Variants in MACROD2 observed in about 807,000 individuals in gnomAD.
The protein encoded by MACROD2 is mono-ADP ribosylhydrolase 2.
A neutral mutation model predicts 70.4 loss-of-function variants in MACROD2; 36 were observed. The ratio of observed to expected loss-of-function variants is 0.51; its 90% CI spans 0.39 to 0.68. The LOEUF (loss-of-function observed/expected upper bound fraction) is 0.68. MACROD2 is among the 30% of genes least tolerant of loss of function. The probability of loss-of-function intolerance (pLI) is 0.00; values close to 1 mark genes in which losing one functional copy is unlikely to be tolerated. For synonymous variants in MACROD2, 172 were observed against 178.8 expected (o/e 0.96, Z 0.30); for missense variants, 496 against 538.4 (o/e 0.92, Z 0.78).
At chr20:14,350,436 G>T (rs1054148871) in intron 3 of MACROD2, among the ~76,000 whole-genome samples, 28 of 151,842 alleles carry the variant, frequency 1.8e-4, no homozygotes, top group African/African-American at 6.8e-4. Context: ...TAACAAATGG[G>T]GTGAGTTGAT....
chr20:14,247,217 G>C (rs1219567844), intron 3 of MACROD2, among the ~76,000 whole-genome samples: 1 of 152,134 alleles, frequency 6.6e-6, no homozygotes, highest in African/African-American at 2.4e-5. Context: ...TATACACAAG[G>C]TGTGACATCA....
At chr20:14,722,615 G>T (rs1406325215) in intron 5 of MACROD2, among the ~76,000 whole-genome samples, 2 of 152,050 alleles carry the variant, frequency 1.3e-5, no homozygotes, top group Non-Finnish European at 2.9e-5. Flanking sequence ...ATCATTATTT[G>T]CTTTTTTATT....
intron 4 of MACROD2, among the ~76,000 whole-genome samples, chr20:14,544,268 A>G (rs933882999): frequency 1.3e-5 from 2 of 150,746 alleles, no homozygotes; most frequent in African/African-American, 4.9e-5. Flanking sequence ...AGGGCTCAGC[A>G]TGTGAATTTT....
At chr20:14,746,864 T>G (rs1272047545) in intron 5 of MACROD2, among the ~76,000 whole-genome samples, 1 of 152,170 alleles carries the variant, frequency 6.6e-6, no homozygotes. Flanking sequence ...TTGGGTTAAT[T>G]CAATTGAATT....
At position 15,322,320 on chromosome 20, in the gene MACROD2, G is replaced by T. The variant is rs1482990981; in HGVS notation, c.540+92259G>T. ...CTTGAGTATATTGTAGAGAATGCCT[G>T]GGTGGGACGGGGATATTTACCATGC... On this transcript the variant is annotated intron_variant, in intron 6 of 17. Coordinates refer to ENST00000684519, the MANE Select transcript of MACROD2 (RefSeq NM_001351661.2). Among the ~76,000 whole-genome samples, 2 of 143,614 alleles carry T rather than the reference G, an allele frequency of 1.4e-5. 1 individual carries two copies. The highest frequency in any genetic ancestry group is 3.1e-5 in the Non-Finnish European group (2 of 63,620). The allele number at this position is 143,614 out of a possible 152,430, so 94.2% of individuals were successfully genotyped here. A position where few individuals can be genotyped will look rare whatever the true frequency, so the allele number is the denominator to read the frequency against.
intron 3 of MACROD2, among the ~76,000 whole-genome samples, chr20:14,170,160 G>A (rs1431744642): frequency 2.0e-5 from 3 of 152,146 alleles, no homozygotes; most frequent in Non-Finnish European, 2.9e-5. Context: ...CCAAAGTGCC[G>A]GGATTGCAGG....
At chr20:14,107,956 T>C (rs576988824) in intron 3 of MACROD2, among the ~76,000 whole-genome samples, 2 of 152,232 alleles carry the variant, frequency 1.3e-5, no homozygotes, top group African/African-American at 4.8e-5. Context: ...TCACTGGTAA[T>C]AGCGCACAGA....
At chr20:15,353,283 C>A (rs555913115) in intron 6 of MACROD2, among the ~76,000 whole-genome samples, 3 of 152,008 alleles carry the variant, frequency 2.0e-5, no homozygotes, top group Admixed American at 6.6e-5. Flanking sequence ...ATGGTGCTGG[C>A]AAAACTGGCT....
intron 6 of MACROD2, among the ~76,000 whole-genome samples, chr20:15,261,582 G>A (rs954081435): frequency 3.3e-5 from 5 of 151,696 alleles, no homozygotes; most frequent in African/African-American, 1.2e-4. Context: ...TTCTTTTTAG[G>A]TCATTTAAAC....
At chr20:15,143,248 T>C (rs2076205729) in intron 5 of MACROD2, among the ~76,000 whole-genome samples, 1 of 152,220 alleles carries the variant, frequency 6.6e-6, no homozygotes, top group Non-Finnish European at 1.5e-5. Flanking sequence ...TGATTTATAT[T>C]TCTCTGATGG....
intron 3 of MACROD2, among the ~76,000 whole-genome samples, chr20:14,207,360 A>G (rs868155609): frequency 6.6e-6 from 1 of 152,144 alleles, no homozygotes; most frequent in Non-Finnish European, 1.5e-5. Context: ...TTGGCCTCCC[A>G]AAGTGCTGGG....
At chr20:14,753,231 G>A (rs1323455192) in intron 5 of MACROD2, among the ~76,000 whole-genome samples, 3 of 152,042 alleles carry the variant, frequency 2.0e-5, no homozygotes, top group Non-Finnish European at 4.4e-5. Context: ...CTTCTTTGCA[G>A]TGCTGATTGC....
intron 5 of MACROD2, among the ~76,000 whole-genome samples, chr20:14,705,901 CTT>C (rs2071263627): frequency 6.6e-6 from 1 of 151,788 alleles, no homozygotes; most frequent in Admixed American, 6.6e-5. Context: ...TCCTCTCTCT[CTT>C]TTTCTTCTCT....
intron 5 of MACROD2, among the ~76,000 whole-genome samples, chr20:15,160,489 T>C (rs1471464377): frequency 6.6e-6 from 1 of 152,130 alleles, no homozygotes; most frequent in African/African-American, 2.4e-5. Context: ...TATTTGTCCT[T>C]TGACCCTACT....
intron 15 of MACROD2, among the ~76,000 whole-genome samples, chr20:16,028,000 G>GGAAAGAA (rs1332874049): frequency 6.6e-6 from 1 of 152,154 alleles, no homozygotes; most frequent in East Asian, 1.9e-4. Context: ...CCTGGAAAAG[G>GGAAAGAA]GAAAGAAAAA....
At chr20:15,000,082 G>T (rs537806447) in intron 5 of MACROD2, among the ~76,000 whole-genome samples, 1 of 152,264 alleles carries the variant, frequency 6.6e-6, no homozygotes, top group African/African-American at 2.4e-5. Context: ...GAACCAAGAG[G>T]ACTTAATTTT....
chr20:14,486,248 G>C lies in MACROD2; in HGVS notation c.272-7231G>C, dbSNP rs117253597. ...GTCATGTTGTAAAGAACCTTGATTA[G>C]AATGGTGACCTTCTTTCAAGGGACA... On this transcript the variant is annotated intron_variant, in intron 3 of 17. Coordinates refer to ENST00000684519, the MANE Select transcript of MACROD2 (RefSeq NM_001351661.2). Among the ~76,000 whole-genome samples, 137 of 152,260 alleles carry C rather than the reference G, an allele frequency of 9.0e-4. 1 individual carries two copies. The East Asian group carries it at 0.025, about 28-fold the overall frequency.
At chr20:14,150,949 C>T (rs1207121065) in intron 3 of MACROD2, among the ~76,000 whole-genome samples, 1 of 152,136 alleles carries the variant, frequency 6.6e-6, no homozygotes, top group Non-Finnish European at 1.5e-5. Context: ...AAAATAGCAA[C>T]ATAGTGGAGA....
chr20:15,367,029 G>GTT (rs2045419706), intron 6 of MACROD2, among the ~76,000 whole-genome samples: 1 of 135,686 alleles, frequency 7.4e-6, no homozygotes, highest in African/African-American at 3.0e-5. Context: ...TAAAATTACT[G>GTT]ATTTTTTTTT....
Sources: gnomAD v4.1 joint callset for allele counts (sites outside exome capture counted in the v4.1 genomes callset) on GRCh38, gnomAD v4.1.1 for gene constraint, MANE v1.5 for transcripts, NCBI Gene and HGNC (gene_info 2026-07-23, HGNC 2026-07-21) for gene names.